ANKRD6: variants seen among roughly 807,000 people sequenced by gnomAD.
ANKRD6 encodes the protein ankyrin repeat domain-containing protein 6.
A neutral mutation model predicts 82.3 loss-of-function variants in ANKRD6; 56 were observed. That is an observed-to-expected ratio of 0.68 (90% confidence interval 0.55 to 0.85). The LOEUF is 0.85. Among genes scored for constraint, ANKRD6 ranks in the 40% least tolerant of loss-of-function variants. ANKRD6 has a pLI of 0.00. For synonymous variants in ANKRD6, 347 were observed against 352.1 expected (o/e 0.99, Z 0.16); for missense variants, 852 against 907.6 (o/e 0.94, Z 0.79).
At chr6:89,549,917 AAAAAG>A (rs1468318204) in intron 1 of ANKRD6, among the ~76,000 whole-genome samples, 1 of 140,142 alleles carries the variant, frequency 7.1e-6, no homozygotes, top group South Asian at 2.3e-4. Context: ...TCTCTTTAAA[AAAAAG>A]AAAAGAAAAA....
At chr6:89,478,926 C>T (rs1776432272) in intron 1 of ANKRD6, among the ~76,000 whole-genome samples, 1 of 152,076 alleles carries the variant, frequency 6.6e-6, no homozygotes, top group Non-Finnish European at 1.5e-5. Context: ...CGGAAGTAGC[C>T]TACCCTGCTG....
In ANKRD6 at chr6:89,439,397, C is replaced by T. The variant is rs538300094; in HGVS notation, c.-144+6022C>T. On this transcript the variant is annotated intron_variant, in intron 1 of 15. Transcript: ENST00000339746. ...TTACATAATCACAAAGTATATGTGT[C>T]AATTTTACTTATTTGCTCTTAAGGG... Among the ~76,000 whole-genome samples, 113 of 152,150 alleles carry T rather than the reference C, an allele frequency of 7.4e-4. 1 individual carries two copies. The highest frequency in any genetic ancestry group is 2.6e-3 in the African/African-American group (107 of 41,524).
chr6:89,584,082 A>G lies in ANKRD6; in HGVS notation c.121-11834A>G, dbSNP rs140318752. The stretch of plus-strand genomic sequence containing the variant: ...TAAAACTCCCTGAAAACATATATTT[A>G]GTAGGTCCTAACCACTCTAGACGAG... On this transcript the variant is annotated intron_variant, in intron 2 of 15. Transcript: ENST00000339746. Among the ~76,000 whole-genome samples the G allele has an allele frequency of 6.0e-4, 91 of 152,366 alleles. 2 individuals carry two copies. The East Asian group carries it at 0.017, about 28-fold the overall frequency.
chr6:89,535,845 A>G (rs1783756600), intron 1 of ANKRD6, among the ~76,000 whole-genome samples: 1 of 152,184 alleles, frequency 6.6e-6, no homozygotes, highest in East Asian at 1.9e-4. Context: ...CAGTTGTGCA[A>G]TCCCAAGTAC....
intron 10 of ANKRD6, among the ~76,000 whole-genome samples, chr6:89,622,719 G>C (rs190064860): frequency 6.6e-6 from 1 of 152,170 alleles, no homozygotes; most frequent in Non-Finnish European, 1.5e-5. Flanking sequence ...CTCTTGTGCC[G>C]TGTAGCCCTG....
chr6:89,561,973 G>A (rs1391656473), intron 1 of ANKRD6, among the ~76,000 whole-genome samples: 4 of 152,098 alleles, frequency 2.6e-5, no homozygotes, highest in African/African-American at 9.7e-5. Context: ...GTGGTAAGAG[G>A]GTTTGTACTG....
chr6:89,464,493 C>G (rs890666020), intron 1 of ANKRD6, among the ~76,000 whole-genome samples: 6 of 152,118 alleles, frequency 3.9e-5, no homozygotes, highest in Non-Finnish European at 7.4e-5. Flanking sequence ...TCTGTCAGGC[C>G]TTTGTTTGGA....
rs200814043 is a variant in ANKRD6 at position 89,566,993 on chromosome 6, C to G, written c.17C>G (p.Ala6Gly). 4.4e-6 allele frequency: 7 copies of G among 1,595,954 alleles called. No individual in the cohort carries two copies. In the East Asian group the frequency reaches 1.6e-4, roughly 36 times the overall value. Residue 6 changes from alanine to glycine, a missense_variant, in exon 2 of 16, where the codon GCG becomes GGG. Coordinates refer to ENST00000339746, the MANE Select transcript of ANKRD6 (RefSeq NM_001242809.2). Reference protein sequence around the residue: MSQQDAVAALSERLLV... With the variant: MSQQDGVAALSERLLV... The stretch of plus-strand genomic sequence containing the variant: ...TCCTAATTCATGAGCCAGCAAGATG[C>G]GGTCGCTGCACTTTCAGAGCGCCTT...
Position 89,617,997 on chromosome 6 carries a change from C to G in ANKRD6, c.758C>G (p.Pro253Arg), listed in dbSNP as rs570167442. The G allele has an allele frequency of 7.4e-6, 12 of 1,614,020 alleles. No individual in the cohort carries two copies. In the Admixed American group the frequency reaches 1.8e-4, roughly 25 times the overall value. ...PLETARYHNN[P>R]EVALLLTKAP... The stretch of plus-strand genomic sequence containing the variant: ...GAGACTGCCCGCTACCACAATAACC[C>G]GGAAGTTGCTCTTCTCCTTACTAAA... Residue 253 changes from proline (P) to arginine (R), a missense_variant, in exon 9 of 16, where the codon CCG (proline) becomes CGG (arginine). By Grantham distance (103) the Pro-to-Arg change is moderately radical (BLOSUM62 -2). Coordinates refer to ENST00000339746, the MANE Select transcript of ANKRD6 (RefSeq NM_001242809.2).
intron 1 of ANKRD6, among the ~76,000 whole-genome samples, chr6:89,520,588 G>C (rs1781772482): frequency 6.6e-6 from 1 of 152,240 alleles, no homozygotes; most frequent in South Asian, 2.1e-4. Context: ...GTGGTGTTCA[G>C]ATGGCCAGAT....
chr6:89,605,979 G>T, intron 4 of ANKRD6, 28 bp from the exon 5 acceptor site: 1 of 1,510,468 alleles, frequency 6.6e-7, no homozygotes, highest in Non-Finnish European at 9.0e-7. Flanking sequence ...TGGGTAATGT[G>T]CCTTTCCCAC....
intron 2 of ANKRD6, among the ~76,000 whole-genome samples, chr6:89,593,587 A>C (rs1208227154): frequency 6.6e-6 from 1 of 152,232 alleles, no homozygotes; most frequent in African/African-American, 2.4e-5. Flanking sequence ...GGAGAAATTA[A>C]GATCCTTTAT....
chr6:89,550,966 TAAAA>T (rs1202883211), intron 1 of ANKRD6, among the ~76,000 whole-genome samples: 1 of 151,902 alleles, frequency 6.6e-6, no homozygotes, highest in Non-Finnish European at 1.5e-5. Flanking sequence ...ACAGCAAAAA[TAAAA>T]AGAATGAAAG....
chr6:89,606,241 C>A, intron 5 of ANKRD6, 136 bp downstream of exon 5: 1 of 638,242 alleles, frequency 1.6e-6, no homozygotes, highest in South Asian at 2.7e-5. Flanking sequence ...TCCATTCGGC[C>A]CAGAAGTTTC....
chr6:89,561,173 T>G (rs752668945), intron 1 of ANKRD6: 1 of 152,246 alleles, frequency 6.6e-6, no homozygotes. Flanking sequence ...TGTCACAGGT[T>G]TCCTGAATAA....
chr6:89,561,201 G>T (rs897567975), intron 1 of ANKRD6: 7 of 152,214 alleles, frequency 4.6e-5, no homozygotes, highest in Non-Finnish European at 1.0e-4. Flanking sequence ...ATGTCACTCA[G>T]CTTTCACTGT....
At chr6:89,484,761 T>C (rs1777179216) in intron 1 of ANKRD6, among the ~76,000 whole-genome samples, 1 of 152,254 alleles carries the variant, frequency 6.6e-6, no homozygotes, top group South Asian at 2.1e-4. Flanking sequence ...AAGCAGTCAG[T>C]CTTCTATCCA....
At chr6:89,620,614 A>G (rs1031595441) in intron 9 of ANKRD6, among the ~76,000 whole-genome samples, 1 of 152,202 alleles carries the variant, frequency 6.6e-6, no homozygotes, top group African/African-American at 2.4e-5. Context: ...CATCAACTCA[A>G]AGATCTGTAT....
rs1373969219 is a variant in ANKRD6 at position 89,624,610 on chromosome 6, G to A, written c.1290G>A (p.Glu430=). The change falls in exon 13 of 16, where the codon GAG becomes GAA. Residue 430 remains glutamate (E), a synonymous_variant. Transcript: ENST00000339746. ...AGAATCAGTTGGAGGCTACTGTGGA[G>A]GAGATAAAAGCAGAGCTGGGATCGG... ...KLENQLEATV[E]EIKAELGSVQ... 6.4e-7 allele frequency: 1 copy of A among 1,572,220 alleles called. No individual in the cohort carries two copies. The highest frequency in any genetic ancestry group is 8.6e-7 in the Non-Finnish European group (1 of 1,158,292).
Sources: gnomAD v4.1 joint callset for allele counts (sites outside exome capture counted in the v4.1 genomes callset) on GRCh38, gnomAD v4.1.1 for gene constraint, MANE v1.5 for transcripts, NCBI Gene and HGNC (gene_info 2026-07-23, HGNC 2026-07-21) for gene names.